Variants in GRAMD4 observed in about 807,000 individuals in gnomAD.
GRAMD4 encodes the protein GRAM domain-containing protein 4.
In GRAMD4, 25 loss-of-function variants were observed where a neutral mutation model predicts 83.9. The ratio of observed to expected loss-of-function variants is 0.30; its 90% CI spans 0.22 to 0.42. The LOEUF is 0.42. Among genes scored for constraint, GRAMD4 ranks in the 10% least tolerant of loss-of-function variants. GRAMD4 has a pLI of 1.00. For missense variants in GRAMD4, 593 were observed against 788.7 expected (o/e 0.75, Z 2.97); for synonymous variants, 336 against 320.9 (o/e 1.05, Z -0.50).
intron 17 of GRAMD4, 67 bp from the exon 18 acceptor site, chr22:46,676,533 C>G (rs945831846): frequency 1.3e-5 from 19 of 1,409,156 alleles, no homozygotes; most frequent in Non-Finnish European, 1.8e-5. Context: ...TGCCCTGGGC[C>G]TGTGGAGGGC....
At chr22:46,635,341 CT>C (rs2081853872) in intron 2 of GRAMD4, among the ~76,000 whole-genome samples, 2 of 32,364 alleles carry the variant, frequency 6.2e-5, no homozygotes, top group Non-Finnish European at 6.0e-5. Context: ...GCCCCCACCC[CT>C]GGCCACTCCT....
At chr22:46,637,696 C>T in intron 2 of GRAMD4, 144 bp from the exon 3 acceptor site, 1 of 782,702 alleles carries the variant, frequency 1.3e-6, no homozygotes, top group Non-Finnish European at 2.0e-6. Context: ...GCGTCGTCCC[C>T]ATGTCCAGAA....
chr22:46,603,730 A>T (rs552307560), intron 1 of GRAMD4, among the ~76,000 whole-genome samples: 2 of 147,872 alleles, frequency 1.4e-5, no homozygotes, highest in African/African-American at 2.5e-5. Context: ...GTTAGCCAGG[A>T]TGGTCTCGAT....
At position 46,677,319 on chromosome 22, in the gene GRAMD4, A is replaced by C; in HGVS notation, c.*68A>C. 6.8e-7 allele frequency: 1 copy of C among 1,475,516 alleles called. No individual in the cohort carries two copies. The highest frequency in any genetic ancestry group is 9.0e-7 in the Non-Finnish European group (1 of 1,114,470). 91.4% of individuals were successfully genotyped at this position (1,475,516 alleles called of 1,614,324 possible). Reference sequence around the variant, plus strand: ...TTCTTTTTCTTTTTTTTTTTTTACGATTTGGTAGTGGAAACAATTGGACAT... The same window carrying C: ...TTCTTTTTCTTTTTTTTTTTTTACGCTTTGGTAGTGGAAACAATTGGACAT... On this transcript the variant is annotated 3_prime_UTR_variant, in exon 19 of 19. Coordinates refer to ENST00000406902, the MANE Select transcript of GRAMD4 (RefSeq NM_015124.5).
chr22:46,641,640 C>G (rs2081976816), intron 3 of GRAMD4, among the ~76,000 whole-genome samples: 1 of 152,122 alleles, frequency 6.6e-6, no homozygotes, highest in South Asian at 2.1e-4. Context: ...TGGTCCATAC[C>G]CTGTGCTTCC....
At chr22:46,640,030 C>T (rs2081952602) in intron 3 of GRAMD4, among the ~76,000 whole-genome samples, 2 of 152,140 alleles carry the variant, frequency 1.3e-5, no homozygotes, top group Non-Finnish European at 2.9e-5. Flanking sequence ...TCTCCCTGGG[C>T]GGTGGCAGCA....
At position 46,672,949 on chromosome 22, in the gene GRAMD4, C is replaced by A. The variant is rs1325969434; in HGVS notation, c.1191C>A (p.Pro397=). 3.7e-6 allele frequency: 6 copies of A among 1,610,160 alleles called. No individual in the cohort carries two copies. In the East Asian group the frequency reaches 1.3e-4, roughly 36 times the overall value. The change falls in exon 14 of 19, where the codon CCC becomes CCA. Residue 397 remains proline, a synonymous_variant. Transcript: ENST00000406902. This position sits in a 1 kb window ranked among gnomAD's most constrained non-coding sequence, Gnocchi z 4.7. ...CCTATATCATCTGGAGGAGTCTCCC[C>A]ACCGACCCGCAGCTCAAGGAGCGCT... ...DTPYIIWRSL[P]TDPQLKERSS...
At chr22:46,647,673 G>A (rs2082090851) in intron 3 of GRAMD4, among the ~76,000 whole-genome samples, 1 of 152,238 alleles carries the variant, frequency 6.6e-6, no homozygotes, top group South Asian at 2.1e-4. Flanking sequence ...TGTTAAGTCG[G>A]GAACCACTGC....
rs2082619270 is a variant in GRAMD4, at chr22:46,677,668, C to G, written c.*417C>G. On this transcript the variant is annotated 3_prime_UTR_variant, in exon 19 of 19. Coordinates refer to ENST00000406902, the MANE Select transcript of GRAMD4 (RefSeq NM_015124.5). The stretch of plus-strand genomic sequence containing the variant: ...GCCAGAAGCTCGTCCACCACCAAAG[C>G]CATAGCTGAAGAGTGCGGGGCCCTT... The G allele has an allele frequency of 1.0e-6, 1 of 994,862 alleles. No homozygotes were observed. The highest frequency in any genetic ancestry group is 1.1e-4 in the East Asian group (1 of 9,396). 61.6% of individuals were successfully genotyped at this position (994,862 alleles called of 1,614,324 possible).
rs2082624671 is a variant in GRAMD4 at position 46,678,038 on chromosome 22, G to T, written c.*787G>T. 8 of 985,784 alleles carry T rather than the reference G, an allele frequency of 8.1e-6. No homozygotes were observed. Among genetic ancestry groups the T allele is most frequent in the Non-Finnish European group, 8.4e-6 (7 of 830,188 alleles). The allele number at this position is 985,784 out of a possible 1,614,324, so 61.1% of individuals were successfully genotyped here. A position where few individuals can be genotyped will look rare whatever the true frequency, so the allele number is the denominator to read the frequency against. On this transcript the variant is annotated 3_prime_UTR_variant, in exon 19 of 19. Coordinates refer to ENST00000406902, the MANE Select transcript of GRAMD4 (RefSeq NM_015124.5). ...GGTCTGTAGCTGGGGACCAGTAAGG[G>T]CACAGGATGGTGCAGGTAAAAGCAC... is the stretch of plus-strand genomic sequence containing the variant.
upstream of GRAMD4, among the ~76,000 whole-genome samples, chr22:46,616,662 C>CTGTGTGTAGGTTCCCCTG (rs2081501324): frequency 1.5e-5 from 1 of 68,452 alleles, no homozygotes; most frequent in Non-Finnish European, 3.2e-5. Context: ...GTACGTTCCC[C>CTGTGTGTAGGTTCCCCTG]TGTGTGTAGG....
chr22:46,603,431 G>A (rs1476614748), intron 1 of GRAMD4, among the ~76,000 whole-genome samples: 6 of 149,982 alleles, frequency 4.0e-5, no homozygotes, highest in East Asian at 2.0e-4. Context: ...GGGTGGTCTC[G>A]ATCTCCTGAC....
At chr22:46,661,992 C>T (rs933878131) in intron 5 of GRAMD4, among the ~76,000 whole-genome samples, 1 of 152,254 alleles carries the variant, frequency 6.6e-6, no homozygotes, top group African/African-American at 2.4e-5. Flanking sequence ...CTCCAGCCCC[C>T]GCCTGGCTTC....
intron 3 of GRAMD4, among the ~76,000 whole-genome samples, chr22:46,655,601 G>A (rs962986796): frequency 6.6e-6 from 1 of 152,154 alleles, no homozygotes; most frequent in Admixed American, 6.5e-5. Context: ...CCAGCCGGCC[G>A]CCCAGAGAGG....
At chr22:46,613,615 A>G (rs968759387) in intron 1 of GRAMD4, among the ~76,000 whole-genome samples, 20 of 131,358 alleles carry the variant, frequency 1.5e-4, no homozygotes, top group Non-Finnish European at 2.7e-4. Flanking sequence ...CGTCTCGGAC[A>G]GAGGGCATCG....
intron 1 of GRAMD4, among the ~76,000 whole-genome samples, chr22:46,611,228 A>T (rs2081413801): frequency 6.6e-6 from 1 of 150,540 alleles, no homozygotes; most frequent in African/African-American, 2.4e-5. Flanking sequence ...AAAAAAAAAA[A>T]TATTAAATAA....
chr22:46,653,839 A>C (rs1188228356), intron 3 of GRAMD4, among the ~76,000 whole-genome samples: 1 of 151,874 alleles, frequency 6.6e-6, no homozygotes, highest in African/African-American at 2.4e-5. Context: ...GCCTTGGCCT[A>C]CTCCGCCCAA....
chr22:46,629,499 C>A (rs1442483777), intron 2 of GRAMD4, among the ~76,000 whole-genome samples: 1 of 152,094 alleles, frequency 6.6e-6, no homozygotes, highest in Non-Finnish European at 1.5e-5. Flanking sequence ...CTCACGAGGC[C>A]CCCGGGGTGG....
intron 1 of GRAMD4, among the ~76,000 whole-genome samples, chr22:46,590,508 T>C (rs2081196239): frequency 6.6e-6 from 1 of 152,176 alleles, no homozygotes; most frequent in African/African-American, 2.4e-5. Context: ...TGACCAGGCC[T>C]GGGCTGCTGC....
Sources: allele counts gnomAD v4.1 joint callset (sites outside exome capture counted in the v4.1 genomes callset), GRCh38; gene constraint gnomAD v4.1.1; non-coding constraint Gnocchi (gnomAD v3.1); transcripts MANE v1.5; gene names NCBI Gene and HGNC (gene_info 2026-07-23, HGNC 2026-07-21).